PARM1: variants seen among roughly 807,000 people sequenced by gnomAD.
PARM1 encodes the protein prostate androgen-regulated mucin-like protein 1.
A neutral mutation model predicts 24.6 loss-of-function variants in PARM1; 14 were observed. The observed-to-expected ratio is 0.57, with a 90% confidence interval of 0.38 to 0.89. PARM1 has a LOEUF of 0.89. PARM1 is among the 40% of genes least tolerant of loss of function. PARM1 has a pLI of 0.00. For synonymous variants in PARM1, 179 were observed against 156.6 expected (o/e 1.14, Z -1.07); for missense variants, 362 against 380.4 (o/e 0.95, Z 0.40).
At chr4:75,030,655 A>G (rs1314315691) in intron 2 of PARM1, among the ~76,000 whole-genome samples, 5 of 152,180 alleles carry the variant, frequency 3.3e-5, no homozygotes. Flanking sequence ...ATATATAGAT[A>G]AGTTTCCTTC....
chr4:75,047,560 T>C lies in PARM1; in HGVS notation c.*1313T>C, dbSNP rs533423347. ...CACCCCAGGGACATTCAAAAATGTC[T>C]GGTGACAGTTTTCATTGTCATGACT... On this transcript the variant is annotated 3_prime_UTR_variant, in exon 4 of 4. Coordinates refer to ENST00000307428, the MANE Select transcript of PARM1 (RefSeq NM_015393.4). The C allele has an allele frequency of 4.6e-5, 7 of 152,394 alleles. No homozygotes were observed. The highest frequency in any genetic ancestry group is 3.4e-3 in the Middle Eastern group (1 of 294). The allele number at this position is 152,394 out of a possible 1,614,324, so 9.4% of individuals were successfully genotyped here. A position where few individuals can be genotyped will look rare whatever the true frequency, so the allele number is the denominator to read the frequency against.
intron 2 of PARM1, among the ~76,000 whole-genome samples, chr4:75,020,901 C>T (rs1723078399): frequency 6.6e-6 from 1 of 152,184 alleles, no homozygotes; most frequent in African/African-American, 2.4e-5. Context: ...ATGGAGCCCC[C>T]TGTCCAGTGT....
At chr4:75,026,035 G>A (rs1723176904) in intron 2 of PARM1, among the ~76,000 whole-genome samples, 1 of 152,216 alleles carries the variant, frequency 6.6e-6, no homozygotes, top group South Asian at 2.1e-4. Flanking sequence ...GATTTTGAGA[G>A]AGGAGTAATG....
At chr4:75,036,046 A>G (rs1165059050) in intron 3 of PARM1, among the ~76,000 whole-genome samples, 1 of 152,188 alleles carries the variant, frequency 6.6e-6, no homozygotes, top group Non-Finnish European at 1.5e-5. Flanking sequence ...CCATTTTATA[A>G]CAAAGTATCT....
chr4:74,970,266 C>T (rs1333688732), intron 1 of PARM1: 1 of 152,288 alleles, frequency 6.6e-6, no homozygotes, highest in Non-Finnish European at 1.5e-5. Context: ...AATTCTCTTC[C>T]ATGCCTAACT....
chr4:75,041,987 A>T (rs1723498003), intron 3 of PARM1, among the ~76,000 whole-genome samples: 1 of 152,168 alleles, frequency 6.6e-6, no homozygotes, highest in South Asian at 2.1e-4. Flanking sequence ...GTCCAGCCAT[A>T]ATGCTCTTTT....
intron 3 of PARM1, among the ~76,000 whole-genome samples, chr4:75,040,378 C>A (rs1318955547): frequency 6.6e-6 from 1 of 151,762 alleles, no homozygotes; most frequent in Non-Finnish European, 1.5e-5. Flanking sequence ...CCCTTCAAAG[C>A]AAAGGTAATT....
intron 2 of PARM1, among the ~76,000 whole-genome samples, chr4:75,024,793 G>C (rs1723153263): frequency 1.3e-5 from 2 of 152,262 alleles, no homozygotes; most frequent in Non-Finnish European, 1.5e-5. Flanking sequence ...CCACCTCCTG[G>C]GTTCAAGCGA....
chr4:74,964,767 T>C (rs1050361661), intron 1 of PARM1, among the ~76,000 whole-genome samples: 1 of 152,176 alleles, frequency 6.6e-6, no homozygotes, highest in African/African-American at 2.4e-5. Context: ...TCTGTTGAAT[T>C]AAAACATAAG....
Position 75,046,906 on chromosome 4 carries a change from C to CCCCT in PARM1, c.*660_*663dup, listed in dbSNP as rs1723614632. 1 of 152,490 alleles carries CCCCT rather than the reference C, an allele frequency of 6.6e-6. No individual in the cohort carries two copies. The allele number at this position is 152,490 out of a possible 1,614,324, so 9.4% of individuals were successfully genotyped here. On this transcript the variant is annotated 3_prime_UTR_variant, in exon 4 of 4. Coordinates refer to ENST00000307428, the MANE Select transcript of PARM1 (RefSeq NM_015393.4). ...CAGGTTGCTGTGGGATCTCAGTGTGCCCCTACCTGTTCTCCCCTCCAGGCC... is the reference window on the plus strand; with the variant it reads ...CAGGTTGCTGTGGGATCTCAGTGTGCCCCTCCCTACCTGTTCTCCCCTCCAGGCC...
chr4:74,982,845 A>G (rs1009390139), intron 1 of PARM1, among the ~76,000 whole-genome samples: 2 of 152,244 alleles, frequency 1.3e-5, no homozygotes, highest in African/African-American at 4.8e-5. Context: ...TTCTTTTTAT[A>G]TGCAAAATCA....
At chr4:74,988,288 G>A (rs1435312567) in intron 1 of PARM1, among the ~76,000 whole-genome samples, 1 of 152,172 alleles carries the variant, frequency 6.6e-6, no homozygotes, top group Non-Finnish European at 1.5e-5. Flanking sequence ...GTATACAGTA[G>A]ACATTTTCAC....
chr4:74,989,486 A>C (rs1329060375), intron 1 of PARM1, among the ~76,000 whole-genome samples: 1 of 152,214 alleles, frequency 6.6e-6, no homozygotes, highest in African/African-American at 2.4e-5. Flanking sequence ...GTATGTAGGA[A>C]GGGATGTGGA....
chr4:74,965,275 T>G (rs774680200), intron 1 of PARM1: 9 of 152,218 alleles, frequency 5.9e-5, no homozygotes, highest in Non-Finnish European at 1.3e-4. Context: ...TTCAGGTGAC[T>G]TCTGCGCAGA....
At chr4:75,008,224 T>A (rs1419622906) in intron 1 of PARM1, among the ~76,000 whole-genome samples, 1 of 152,220 alleles carries the variant, frequency 6.6e-6, no homozygotes, top group Non-Finnish European at 1.5e-5. Flanking sequence ...TTTCATGCAT[T>A]GTTAGTTTGA....
intron 3 of PARM1, among the ~76,000 whole-genome samples, chr4:75,041,971 A>C (rs545734479): frequency 6.6e-6 from 1 of 152,328 alleles, no homozygotes; most frequent in South Asian, 2.1e-4. Flanking sequence ...ACATCATTGC[A>C]TGCTAGTCCA....
intron 1 of PARM1, among the ~76,000 whole-genome samples, chr4:75,008,550 G>A (rs975041273): frequency 6.6e-6 from 1 of 152,274 alleles, no homozygotes; most frequent in South Asian, 2.1e-4. Context: ...CTTTCAGGAC[G>A]AATTCAAATG....
At chr4:75,002,673 C>T (rs1417625461) in intron 1 of PARM1, among the ~76,000 whole-genome samples, 1 of 152,112 alleles carries the variant, frequency 6.6e-6, no homozygotes, top group East Asian at 1.9e-4. Flanking sequence ...TTCTCTCCCT[C>T]CCTTCCGCTT....
intron 1 of PARM1, among the ~76,000 whole-genome samples, chr4:75,002,536 G>T (rs1315935327): frequency 1.3e-5 from 2 of 152,090 alleles, no homozygotes; most frequent in African/African-American, 4.8e-5. Flanking sequence ...CCAGGCCAGT[G>T]TGTGTGACCT....
Sources: allele counts gnomAD v4.1 joint callset (sites outside exome capture counted in the v4.1 genomes callset), GRCh38; gene constraint gnomAD v4.1.1; transcripts MANE v1.5; gene names NCBI Gene and HGNC (gene_info 2026-07-23, HGNC 2026-07-21).